The following ZBTB20 variants were observed in gnomAD, a reference collection of about 807,000 sequenced individuals.
ZBTB20 encodes the protein zinc finger and BTB domain-containing protein 20.
In ZBTB20, 9 loss-of-function variants were observed where a neutral mutation model predicts 56.9. That is an observed-to-expected ratio of 0.16 (90% CI 0.10 to 0.28). The LOEUF is 0.28. Ranked by LOEUF, ZBTB20 falls within the 10% of genes least tolerant of loss-of-function variation. The pLI, the probability that ZBTB20 is intolerant of heterozygous loss-of-function variation, is 1.00. For missense variants in ZBTB20, 655 were observed against 1,003.0 expected (o/e 0.65, Z 4.69); for synonymous variants, 417 against 420.7 (o/e 0.99, Z 0.11).
Position 114,680,571 on chromosome 3 carries a change from G to C in ZBTB20, c.-295+12957C>G, listed in dbSNP as rs190616968. Among the ~76,000 whole-genome samples the C allele has an allele frequency of 4.3e-4, 66 of 152,250 alleles. No individual in the cohort carries two copies. In the East Asian group the frequency reaches 5.0e-3, roughly 12 times the overall value. On this transcript the variant is annotated intron_variant, in intron 6 of 11. Transcript: ENST00000675478. ...CACAACCAGTGCTCAGTAACTATTA[G>C]ATAAATAAGATAGAGTCATTCACTC...
chr3:114,449,005 G>T (rs1427578932), intron 7 of ZBTB20, among the ~76,000 whole-genome samples: 1 of 152,060 alleles, frequency 6.6e-6, no homozygotes, highest in Admixed American at 6.6e-5. Flanking sequence ...ATGTTGCAAA[G>T]AAATTCAAAC....
chr3:114,474,190 T>A (rs751595048), intron 7 of ZBTB20, among the ~76,000 whole-genome samples: 27 of 152,204 alleles, frequency 1.8e-4, no homozygotes, highest in Non-Finnish European at 3.2e-4. Flanking sequence ...GGAGATACAA[T>A]TCAAGAGGAG....
At position 114,413,024 on chromosome 3, in the gene ZBTB20, G is replaced by A. The variant is rs186641434; in HGVS notation, c.-254-23919C>T. On this transcript the variant is annotated intron_variant, in intron 7 of 11. Coordinates refer to ENST00000675478, the MANE Select transcript of ZBTB20 (RefSeq NM_001348800.3). ...ATAGAGTGTAATTTTGATAGAGGAA[G>A]GGGAGAGTTAAATTACGATCAGCTC... 1.5e-3 allele frequency among the ~76,000 whole-genome samples: 226 copies of A among 152,210 alleles called. 3 individuals carry two copies. Among genetic ancestry groups the A allele is most frequent in the East Asian group, 3.7e-3 (19 of 5,176 alleles).
intron 6 of ZBTB20, among the ~76,000 whole-genome samples, chr3:114,603,432 A>G (rs1299169497): frequency 2.0e-5 from 3 of 151,994 alleles, no homozygotes; most frequent in Non-Finnish European, 4.4e-5. Context: ...CACATCTTTC[A>G]ATATAAAAAA....
At chr3:114,378,592 G>A (rs2083937591) in intron 10 of ZBTB20, among the ~76,000 whole-genome samples, 2 of 152,218 alleles carry the variant, frequency 1.3e-5, no homozygotes, top group Non-Finnish European at 2.9e-5. Context: ...CATTTTTGCT[G>A]TAACAGAAGA....
intron 1 of ZBTB20, among the ~76,000 whole-genome samples, chr3:115,121,377 T>C (rs1560588238): frequency 6.6e-6 from 1 of 151,984 alleles, no homozygotes; most frequent in East Asian, 1.9e-4. Context: ...CCTTTTTTTT[T>C]CTGGAGTAGC....
At chr3:114,695,366 G>A (rs2062942982) in intron 5 of ZBTB20, among the ~76,000 whole-genome samples, 1 of 151,676 alleles carries the variant, frequency 6.6e-6, no homozygotes, top group Non-Finnish European at 1.5e-5. Context: ...TGTTCCCAAG[G>A]CCTTGGTTAC....
chr3:114,948,235 A>T (rs1174154679), intron 3 of ZBTB20, among the ~76,000 whole-genome samples: 1 of 145,654 alleles, frequency 6.9e-6, no homozygotes, highest in Non-Finnish European at 1.5e-5. Context: ...TGATTTAAAA[A>T]AAAAACAAAA....
At chr3:115,020,761 A>G (rs187388157) in intron 2 of ZBTB20, among the ~76,000 whole-genome samples, 1 of 151,160 alleles carries the variant, frequency 6.6e-6, no homozygotes. Context: ...ACACACATAT[A>G]ATACCTATTC....
chr3:114,998,868 G>A (rs2079130321), intron 2 of ZBTB20, among the ~76,000 whole-genome samples: 2 of 151,476 alleles, frequency 1.3e-5, no homozygotes, highest in Admixed American at 1.3e-4. Flanking sequence ...TCAGGAAGAG[G>A]ATCTTGTTTA....
intron 6 of ZBTB20, among the ~76,000 whole-genome samples, chr3:114,539,784 A>G (rs1312164198): frequency 6.6e-6 from 1 of 152,100 alleles, no homozygotes; most frequent in Non-Finnish European, 1.5e-5. Context: ...TGCTCGAGAA[A>G]AATGATTCAT....
At chr3:115,057,223 T>A (rs2081832986) in intron 2 of ZBTB20, among the ~76,000 whole-genome samples, 1 of 152,276 alleles carries the variant, frequency 6.6e-6, no homozygotes, top group East Asian at 1.9e-4. Context: ...ATCCATTAAC[T>A]TTAACTTCGT....
chr3:114,995,560 T>C (rs2078992070), intron 2 of ZBTB20, among the ~76,000 whole-genome samples: 2 of 151,932 alleles, frequency 1.3e-5, no homozygotes, highest in South Asian at 4.2e-4. Context: ...TCACCCTAAG[T>C]CACAAATGCT....
Position 114,335,065 on chromosome 3 carries a change from G to C in ZBTB20, c.*3940C>G, listed in dbSNP as rs1279783843. ...TGCTGAGATAATACCAGTGTTTTTA[G>C]TGGTAGAAAATATTATTTTTTTATA... On this transcript the variant is annotated 3_prime_UTR_variant, in exon 12 of 12. Transcript: ENST00000675478. 2.0e-5 allele frequency: 3 copies of C among 152,086 alleles called. No homozygotes were observed. The highest frequency in any genetic ancestry group is 4.4e-5 in the Non-Finnish European group (3 of 68,018). 9.4% of individuals were successfully genotyped at this position (152,086 alleles called of 1,614,324 possible).
At chr3:114,463,463 T>A (rs2092415301) in intron 7 of ZBTB20, among the ~76,000 whole-genome samples, 1 of 152,178 alleles carries the variant, frequency 6.6e-6, no homozygotes, top group Non-Finnish European at 1.5e-5. Flanking sequence ...ATGATTAGTT[T>A]ATACATGAAA....
chr3:115,119,703 T>G (rs1276301905), intron 1 of ZBTB20, among the ~76,000 whole-genome samples: 2 of 152,186 alleles, frequency 1.3e-5, no homozygotes, highest in African/African-American at 2.4e-5. Context: ...ACCAATTTAT[T>G]TGAAAGTTCT....
intron 1 of ZBTB20, among the ~76,000 whole-genome samples, chr3:115,076,416 A>T (rs1287016864): frequency 6.6e-6 from 1 of 152,254 alleles, no homozygotes; most frequent in Non-Finnish European, 1.5e-5. Context: ...ATAAATGGTC[A>T]ACTAATTTTT....
intron 6 of ZBTB20, among the ~76,000 whole-genome samples, chr3:114,544,078 A>C (rs149038042): frequency 6.6e-6 from 1 of 152,344 alleles, no homozygotes; most frequent in East Asian, 1.9e-4. Context: ...AGTGAGAACA[A>C]CATTCTTATC....
chr3:114,619,011 A>G (rs2058128284), intron 6 of ZBTB20, among the ~76,000 whole-genome samples: 1 of 152,170 alleles, frequency 6.6e-6, no homozygotes, highest in African/African-American at 2.4e-5. Flanking sequence ...GCACTCATAT[A>G]ATTTTGCCCT....
Sources: gnomAD v4.1 joint callset for allele counts (sites outside exome capture counted in the v4.1 genomes callset) on GRCh38, gnomAD v4.1.1 for gene constraint, MANE v1.5 for transcripts, NCBI Gene and HGNC (gene_info 2026-07-23, HGNC 2026-07-21) for gene names.